Variants in TLN2 observed in about 807,000 individuals in gnomAD.
The protein encoded by TLN2 is talin 2, also known as talin-2.
In TLN2, 118 loss-of-function variants were observed where a neutral mutation model predicts 294.7. The ratio of observed to expected loss-of-function variants is 0.40; its 90% confidence interval spans 0.34 to 0.47. The LOEUF (loss-of-function observed/expected upper bound fraction) is 0.47, where lower values mean the gene tolerates loss of function less well. Ranked by LOEUF, TLN2 falls within the 20% of genes least tolerant of loss-of-function variation. TLN2 has a pLI of 0.84. For synonymous variants in TLN2, 1,431 were observed against 1,304.5 expected, an observed-to-expected ratio of 1.10 and a Z score of -2.09; for missense variants, 3,083 against 3,282.2, an observed-to-expected ratio of 0.94 and a Z score of 1.48.
At chr15:62,550,762 C>T (rs1284520033) in intron 1 of TLN2, among the ~76,000 whole-genome samples, 1 of 152,190 alleles carries the variant, frequency 6.6e-6, no homozygotes, top group Non-Finnish European at 1.5e-5. Context: ...ATTCTGCAAA[C>T]TGCTTGGAGT....
intron 3 of TLN2, among the ~76,000 whole-genome samples, chr15:62,620,924 C>T (rs976469085): frequency 1.3e-5 from 2 of 150,660 alleles, no homozygotes; most frequent in Admixed American, 6.6e-5. Context: ...CTGCAAGCTC[C>T]ACCTCCCGGG....
intron 52 of TLN2, among the ~76,000 whole-genome samples, chr15:62,813,901 G>A (rs1031600708): frequency 1.8e-4 from 27 of 151,420 alleles, no homozygotes; most frequent in Non-Finnish European, 3.5e-4. Context: ...TGTAACCTCC[G>A]CCTCCCGGGT....
At chr15:62,532,225 T>G (rs984219236) in intron 1 of TLN2, among the ~76,000 whole-genome samples, 4 of 151,742 alleles carry the variant, frequency 2.6e-5, no homozygotes, top group South Asian at 2.1e-4. Context: ...TCGTGGGTTG[T>G]TTGTTTGTTT....
chr15:62,741,799 GTT>G (rs150483182), intron 32 of TLN2, among the ~76,000 whole-genome samples: 4 of 124,266 alleles, frequency 3.2e-5, no homozygotes, highest in African/African-American at 9.2e-5. Flanking sequence ...ATCATTGGCT[GTT>G]TTTTAAATTG....
intron 1 of TLN2, among the ~76,000 whole-genome samples, chr15:62,575,711 C>T (rs985266884): frequency 6.6e-6 from 1 of 152,190 alleles, no homozygotes; most frequent in Non-Finnish European, 1.5e-5. Context: ...GTCCACTGCC[C>T]TGCAGAGGTC....
At chr15:62,742,630 G>GGA (rs1049993272) in intron 32 of TLN2, among the ~76,000 whole-genome samples, 2 of 147,306 alleles carry the variant, frequency 1.4e-5, no homozygotes, top group African/African-American at 5.0e-5. Context: ...GGGAAAAGGG[G>GGA]AAAAAAAAAA....
At chr15:62,643,740 G>A (rs2051454587) in intron 3 of TLN2, among the ~76,000 whole-genome samples, 1 of 152,120 alleles carries the variant, frequency 6.6e-6, no homozygotes, top group Non-Finnish European at 1.5e-5. Flanking sequence ...GAGGTCAAAG[G>A]CATCAGGAGG....
At chr15:62,491,035 A>G (rs556727346) in intron 1 of TLN2, among the ~76,000 whole-genome samples, 1 of 152,320 alleles carries the variant, frequency 6.6e-6, no homozygotes, top group East Asian at 1.9e-4. Context: ...CAAAATATGT[A>G]AGATGGTCAG....
chr15:62,654,480 G>A (rs778707275), intron 7 of TLN2, among the ~76,000 whole-genome samples: 1 of 152,084 alleles, frequency 6.6e-6, no homozygotes, highest in Non-Finnish European at 1.5e-5. Context: ...TTGGTTGCAC[G>A]TGGTGGCTCG....
At chr15:62,423,223 G>A (rs750420098) in intron 1 of TLN2, among the ~76,000 whole-genome samples, 18 of 152,014 alleles carry the variant, frequency 1.2e-4, no homozygotes, top group African/African-American at 2.4e-4. Context: ...GCGACACCTC[G>A]TCTCTACAAA....
At chr15:62,809,549 A>G (rs2066531760) in intron 51 of TLN2, among the ~76,000 whole-genome samples, 1 of 152,212 alleles carries the variant, frequency 6.6e-6, no homozygotes, top group Non-Finnish European at 1.5e-5. Flanking sequence ...AGAGAGGCAA[A>G]GCTGACCCTA....
chr15:62,840,744 GT>G lies in TLN2; in HGVS notation c.*136del, dbSNP rs2070583711. ...GGTGAGCCTGGAGCCCTGCGTGCTT[GT>G]TCTCACATCTCTGTCCCGTCGGCAC... On this transcript the variant is annotated 3_prime_UTR_variant, in exon 59 of 59. Transcript: ENST00000636159. 5 of 1,268,216 alleles carry G rather than the reference GT, an allele frequency of 3.9e-6. No individual in the cohort carries two copies. In the East Asian group the frequency reaches 1.3e-4, roughly 32 times the overall value. The allele number at this position is 1,268,216 out of a possible 1,614,324, so 78.6% of individuals were successfully genotyped here. A position where few individuals can be genotyped will look rare whatever the true frequency, so the allele number is the denominator to read the frequency against.
At chr15:62,699,525 G>A (rs2058580440) in intron 16 of TLN2, among the ~76,000 whole-genome samples, 2 of 152,054 alleles carry the variant, frequency 1.3e-5, no homozygotes, top group Admixed American at 6.5e-5. Context: ...AGCAAGGTAG[G>A]GTGATTAACC....
intron 11 of TLN2, among the ~76,000 whole-genome samples, chr15:62,677,733 C>G (rs997339290): frequency 1.4e-5 from 2 of 144,162 alleles, no homozygotes; most frequent in Non-Finnish European, 3.0e-5. Context: ...TCCCTTCTTT[C>G]TCTTTATTTT....
chr15:62,467,385 A>C (rs1302495238), intron 1 of TLN2, among the ~76,000 whole-genome samples: 1 of 152,230 alleles, frequency 6.6e-6, no homozygotes, highest in Non-Finnish European at 1.5e-5. Context: ...TACTCAGGTA[A>C]TATGGAAGAC....
intron 2 of TLN2, among the ~76,000 whole-genome samples, chr15:62,608,328 A>G (rs2047625984): frequency 6.6e-6 from 1 of 152,112 alleles, no homozygotes; most frequent in Admixed American, 6.5e-5. Flanking sequence ...ACTTCTCCCT[A>G]AGAATAGTGG....
At chr15:62,752,456 T>A in intron 35 of TLN2, 29 bp downstream of exon 35, 3 of 1,611,278 alleles carry the variant, frequency 1.9e-6, no homozygotes, top group Non-Finnish European at 2.5e-6. Flanking sequence ...TGCAGCCATG[T>A]GCCCTGTGCC....
At chr15:62,780,046 C>T (rs553663055) in intron 43 of TLN2, among the ~76,000 whole-genome samples, 45 of 152,320 alleles carry the variant, frequency 3.0e-4, no homozygotes, top group Admixed American at 1.3e-4. Flanking sequence ...ATCTCAAATA[C>T]GTCATTGCTT....
intron 28 of TLN2, among the ~76,000 whole-genome samples, chr15:62,735,791 G>T (rs1176242662): frequency 6.6e-6 from 1 of 152,114 alleles, no homozygotes; most frequent in Non-Finnish European, 1.5e-5. Flanking sequence ...GAACTTTCTT[G>T]TTAGATTCAT....
Sources: allele counts gnomAD v4.1 joint callset (sites outside exome capture counted in the v4.1 genomes callset), GRCh38; gene constraint gnomAD v4.1.1; transcripts MANE v1.5; gene names NCBI Gene and HGNC (gene_info 2026-07-23, HGNC 2026-07-21).